The following PARD3 variants were observed in gnomAD, a reference collection of about 807,000 sequenced individuals.
The protein encoded by PARD3 is partitioning defective 3 homolog.
PARD3 carries 75 observed loss-of-function variants against 155.4 expected under a neutral mutation model. The observed-to-expected ratio is 0.48, with a 90% confidence interval of 0.40 to 0.58. PARD3 has a LOEUF of 0.58. PARD3 is among the 20% of genes least tolerant of loss of function. The pLI, the probability that PARD3 is intolerant of heterozygous loss-of-function variation, is 0.00. For missense variants in PARD3, 1,642 were observed against 1,721.7 expected, an observed-to-expected ratio of 0.95 and a Z score of 0.82; for synonymous variants, 576 against 610.5, an observed-to-expected ratio of 0.94 and a Z score of 0.83.
chr10:34,171,486 A>G (rs1290319416), intron 22 of PARD3, among the ~76,000 whole-genome samples: 1 of 152,208 alleles, frequency 6.6e-6, no homozygotes, highest in Admixed American at 6.5e-5. Flanking sequence ...AGAGAAAGAA[A>G]TATTAATGTA....
chr10:34,467,136 C>G (rs1487446470), intron 4 of PARD3, among the ~76,000 whole-genome samples: 3 of 151,656 alleles, frequency 2.0e-5, no homozygotes, highest in African/African-American at 2.4e-5. Context: ...AACACTGATA[C>G]TTAAAATGTG....
chr10:34,131,154 T>C (rs1947589116), intron 23 of PARD3, among the ~76,000 whole-genome samples: 1 of 152,212 alleles, frequency 6.6e-6, no homozygotes. Context: ...ATTCTGAGAA[T>C]ATGTATCTAC....
At chr10:34,509,261 C>T (rs1455367497) in intron 3 of PARD3, among the ~76,000 whole-genome samples, 2 of 151,988 alleles carry the variant, frequency 1.3e-5, no homozygotes, top group Middle Eastern at 3.2e-3. Context: ...AAAGACCTTC[C>T]GAGAGATACA....
At chr10:34,429,873 C>T (rs1709207572) in intron 5 of PARD3, among the ~76,000 whole-genome samples, 1 of 152,162 alleles carries the variant, frequency 6.6e-6, no homozygotes. Flanking sequence ...GCGTGAGCCA[C>T]TGCACCCAGC....
chr10:34,552,134 CAG>C (rs1479321673), intron 2 of PARD3, among the ~76,000 whole-genome samples: 1 of 152,166 alleles, frequency 6.6e-6, no homozygotes, highest in Non-Finnish European at 1.5e-5. Flanking sequence ...ATTATAGAGA[CAG>C]AGTCTCACTC....
intron 3 of PARD3, among the ~76,000 whole-genome samples, chr10:34,486,797 T>C (rs1270372806): frequency 6.6e-6 from 1 of 152,162 alleles, no homozygotes; most frequent in East Asian, 1.9e-4. Flanking sequence ...TTTGTGACTC[T>C]GAGCAGCAGG....
intron 20 of PARD3, among the ~76,000 whole-genome samples, chr10:34,301,087 G>T (rs1398458739): frequency 6.6e-6 from 1 of 152,154 alleles, no homozygotes; most frequent in South Asian, 2.1e-4. Context: ...CAGGTTTTGC[G>T]CTTGTGTTTG....
intron 5 of PARD3, among the ~76,000 whole-genome samples, chr10:34,432,786 C>T (rs2076012139): frequency 6.6e-6 from 1 of 152,198 alleles, no homozygotes. Context: ...TGCAGGTAAG[C>T]ACAAGTCTGA....
intron 1 of PARD3, among the ~76,000 whole-genome samples, chr10:34,804,713 T>C (rs963038098): frequency 1.3e-5 from 2 of 152,238 alleles, no homozygotes; most frequent in African/African-American, 2.4e-5. Flanking sequence ...GAGTTTATTT[T>C]TTAATTTTGG....
intron 21 of PARD3, among the ~76,000 whole-genome samples, chr10:34,282,823 G>A (rs1036709085): frequency 6.6e-5 from 10 of 151,942 alleles, no homozygotes; most frequent in African/African-American, 1.7e-4. Context: ...CACACACTAA[G>A]GAACACTATG....
At chr10:34,380,010 G>T (rs1841663387) in intron 9 of PARD3, among the ~76,000 whole-genome samples, 1 of 152,014 alleles carries the variant, frequency 6.6e-6, no homozygotes, top group Non-Finnish European at 1.5e-5. Flanking sequence ...ACTTTGAACT[G>T]AATCTGAAGT....
At chr10:34,265,825 G>A (rs947283881) in intron 22 of PARD3, among the ~76,000 whole-genome samples, 2 of 152,108 alleles carry the variant, frequency 1.3e-5, no homozygotes, top group Admixed American at 1.3e-4. Context: ...GCTGAACTTC[G>A]TGCACACATG....
chr10:34,274,282 T>C (rs675070), intron 21 of PARD3, among the ~76,000 whole-genome samples: 19,682 of 152,116 alleles, frequency 0.13, 3,281 homozygotes, highest in African/African-American at 0.39. Flanking sequence ...TTTTACGCCA[T>C]TTATCCATTT....
chr10:34,260,112 C>T (rs1453807763), intron 22 of PARD3, among the ~76,000 whole-genome samples: 1 of 151,830 alleles, frequency 6.6e-6, no homozygotes, highest in Non-Finnish European at 1.5e-5. Flanking sequence ...GTAGCTGAGA[C>T]TACAGGTGGG....
intron 2 of PARD3, among the ~76,000 whole-genome samples, chr10:34,684,882 C>CACAA (rs2093928276): frequency 1.5e-5 from 2 of 133,476 alleles, no homozygotes; most frequent in African/African-American, 3.6e-5. Context: ...CACACATACA[C>CACAA]ACACACACAC....
chr10:34,461,499 G>C (rs987404195), intron 4 of PARD3, among the ~76,000 whole-genome samples: 3 of 152,102 alleles, frequency 2.0e-5, no homozygotes, highest in East Asian at 1.9e-4. Flanking sequence ...CCAGCTACTG[G>C]GGGGGCTGAG....
intron 21 of PARD3, among the ~76,000 whole-genome samples, chr10:34,278,791 G>A (rs947651529): frequency 5.3e-5 from 8 of 152,120 alleles, no homozygotes; most frequent in Non-Finnish European, 1.0e-4. Flanking sequence ...AGCAGCATGA[G>A]AACAGACTAA....
At chr10:34,618,491 G>A (rs1321702388) in intron 2 of PARD3, among the ~76,000 whole-genome samples, 1 of 152,020 alleles carries the variant, frequency 6.6e-6, no homozygotes, top group Admixed American at 6.6e-5. Flanking sequence ...CACAATTCAG[G>A]TAAAAATGAG....
At position 34,537,091 on chromosome 10, in the gene PARD3, C is replaced by G. The variant is rs182219275; in HGVS notation, c.223-19932G>C. 3.9e-5 allele frequency among the ~76,000 whole-genome samples: 6 copies of G among 152,320 alleles called. No individual in the cohort carries two copies. The East Asian group carries it at 1.2e-3, about 29-fold the overall frequency. On this transcript the variant is annotated intron_variant, in intron 2 of 24. Transcript: ENST00000374788. Reference sequence around the variant, plus strand: ...TAACTAAGCTCACTGCAACCTCAAACTCCTGGACTCAAACGATCCTCTCAC... The same window carrying G: ...TAACTAAGCTCACTGCAACCTCAAAGTCCTGGACTCAAACGATCCTCTCAC...
Sources: gnomAD v4.1 joint callset for allele counts (sites outside exome capture counted in the v4.1 genomes callset) on GRCh38, gnomAD v4.1.1 for gene constraint, MANE v1.5 for transcripts, NCBI Gene and HGNC (gene_info 2026-07-23, HGNC 2026-07-21) for gene names.